Variants in SYNJ2 observed in about 807,000 individuals in gnomAD.
SYNJ2 encodes synaptojanin 2, also known as polyphosphatidylinositol phosphatase SYNJ2.
In SYNJ2, 116 loss-of-function variants were observed where a neutral mutation model predicts 141.3. That is an observed-to-expected ratio of 0.82 (90% CI 0.71 to 0.96). The LOEUF is 0.96. Ranked by LOEUF, SYNJ2 falls within the 40% of genes least tolerant of loss-of-function variation. SYNJ2 has a pLI of 0.00. For missense variants in SYNJ2, 1,873 were observed against 1,934.8 expected, an observed-to-expected ratio of 0.97 and a Z score of 0.60; for synonymous variants, 745 against 777.7, an observed-to-expected ratio of 0.96 and a Z score of 0.70.
Position 158,081,433 on chromosome 6 carries a change from A to G in SYNJ2, c.2788A>G (p.Ile930Val). 6.2e-7 allele frequency: 1 copy of G among 1,613,804 alleles called. No individual in the cohort carries two copies. Among genetic ancestry groups the G allele is most frequent in the Non-Finnish European group, 8.5e-7 (1 of 1,179,968 alleles). Residue 930 changes from isoleucine (I) to valine (V), a missense_variant and splice_region_variant, in exon 20 of 27, where the codon ATC becomes GTC. Ile to Val is a conservative substitution (Grantham distance 29). Transcript: ENST00000355585. ...GSYGTIVLVR[I>V]NQGQMLVTFA... is the part of the protein sequence containing the mutation. ...GACTTGGAGTATCATTTATTCCAGG[A>G]TCAACCAAGGGCAGATGCTGGTAAC...
intron 5 of SYNJ2, among the ~76,000 whole-genome samples, chr6:158,046,198 G>A (rs9365784): frequency 0.18 from 26,887 of 151,796 alleles, 3,014 homozygotes; most frequent in Non-Finnish European, 0.24. Context: ...TGCCCGCTTC[G>A]GCCTCCCAAA....
chr6:158,049,581 C>T (rs759162915), intron 5 of SYNJ2, among the ~76,000 whole-genome samples: 10 of 152,178 alleles, frequency 6.6e-5, no homozygotes, highest in East Asian at 1.9e-4. Context: ...CAGGGAGAGG[C>T]GGTTAGACAA....
chr6:158,088,084 G>C (rs1332967988), intron 23 of SYNJ2, among the ~76,000 whole-genome samples: 1 of 56,704 alleles, frequency 1.8e-5, no homozygotes, highest in Non-Finnish European at 3.1e-5. Flanking sequence ...TTTTTGAGAT[G>C]GGCTCATTCT....
rs1280411272 is a variant in SYNJ2 at position 158,066,630 on chromosome 6, C to A, written c.1712C>A (p.Ser571Tyr). The change falls in exon 12 of 27, where the codon TCC becomes TAC. Residue 571 changes from serine to tyrosine, a missense_variant. Physicochemically the swap from Ser to Tyr is moderately radical, Grantham distance 144. Coordinates refer to ENST00000355585, the MANE Select transcript of SYNJ2 (RefSeq NM_003898.4). ...DSPQLSGATD[S>Y]QDDSSPADIF... is the part of the protein sequence containing the mutation. ...CCCCAGCTCTCGGGAGCTACCGACT[C>A]CCAGGGTGAGGGCAGTGACTTTGGG... 6.2e-7 allele frequency: 1 copy of A among 1,613,224 alleles called. No individual in the cohort carries two copies. Among genetic ancestry groups the A allele is most frequent in the Non-Finnish European group, 8.5e-7 (1 of 1,179,976 alleles).
chr6:158,074,589 G>GT lies in SYNJ2; in HGVS notation c.2149dup (p.Ser717PhefsTer3), dbSNP rs1437082431. 1 of 1,611,664 alleles carries GT rather than the reference G, an allele frequency of 6.2e-7. No homozygotes were observed. On this transcript the variant is annotated frameshift_variant, in exon 16 of 27. Transcript: ENST00000355585. LOFTEE classifies it high-confidence loss of function. ...TTTCTTTTCAACTTAGGGGAGAAAT[G>GT]TTTTTTCTCATGATTATGTATTTTG...
intron 1 of SYNJ2, among the ~76,000 whole-genome samples, chr6:157,998,518 A>C (rs960843066): frequency 2.6e-5 from 4 of 152,236 alleles, no homozygotes; most frequent in African/African-American, 9.6e-5. Flanking sequence ...TTAAATTCTC[A>C]TACAGAAGGG....
At chr6:158,090,962 G>A (rs1461302020) in intron 25 of SYNJ2, among the ~76,000 whole-genome samples, 4 of 152,136 alleles carry the variant, frequency 2.6e-5, no homozygotes, top group African/African-American at 4.8e-5. Flanking sequence ...TTAAAAGGTC[G>A]AGAACTACTG....
At chr6:158,036,930 ATTTAAAATACTGGTTTT>A (rs1277809763) in intron 4 of SYNJ2, among the ~76,000 whole-genome samples, 1 of 152,108 alleles carries the variant, frequency 6.6e-6, no homozygotes, top group African/African-American at 2.4e-5. Flanking sequence ...TTGAACTTTT[ATTTAAAATACTGGTTTT>A]GGATTTCAAC....
intron 18 of SYNJ2, chr6:158,078,808 TGAGA>T (rs201240145): frequency 7.3e-6 from 1 of 137,370 alleles, no homozygotes; most frequent in African/African-American, 2.8e-5. Context: ...TTTTTTTTTT[TGAGA>T]GAGAGTCTTG....
chr6:158,087,293 T>C (rs1468041037), intron 23 of SYNJ2, among the ~76,000 whole-genome samples: 1 of 152,200 alleles, frequency 6.6e-6, no homozygotes, highest in Admixed American at 6.5e-5. Context: ...GCCGCAGCCA[T>C]GGGAGGGACG....
intron 17 of SYNJ2, among the ~76,000 whole-genome samples, chr6:158,077,363 T>TC (rs1020366921): frequency 4.6e-5 from 7 of 151,542 alleles, no homozygotes; most frequent in African/African-American, 1.5e-4. Context: ...GCATCACAGC[T>TC]CCCCCCCACA....
At chr6:158,011,460 G>T (rs940725560) in intron 1 of SYNJ2, among the ~76,000 whole-genome samples, 2 of 152,180 alleles carry the variant, frequency 1.3e-5, no homozygotes, top group Non-Finnish European at 2.9e-5. Context: ...TTGAGCTCCT[G>T]CATTGTATAA....
chr6:158,046,862 A>G (rs1435512028), intron 5 of SYNJ2, among the ~76,000 whole-genome samples: 4 of 152,046 alleles, frequency 2.6e-5, no homozygotes, highest in South Asian at 4.1e-4. Context: ...GTGGTTGACA[A>G]CGTTGCTCCC....
At chr6:158,090,086 T>G in intron 25 of SYNJ2, 139 bp downstream of exon 25, 1 of 632,990 alleles carries the variant, frequency 1.6e-6, no homozygotes, top group Non-Finnish European at 2.8e-6. Flanking sequence ...TTTAGCAACA[T>G]TTTATATAAA....
chr6:157,998,629 A>C (rs76035653), intron 1 of SYNJ2, among the ~76,000 whole-genome samples: 1 of 152,362 alleles, frequency 6.6e-6, no homozygotes, highest in Non-Finnish European at 1.5e-5. Flanking sequence ...GAGGTATTTA[A>C]GTGTAAAAAA....
chr6:158,039,608 T>C (rs1157609060), intron 4 of SYNJ2, among the ~76,000 whole-genome samples: 1 of 152,222 alleles, frequency 6.6e-6, no homozygotes, highest in Non-Finnish European at 1.5e-5. Context: ...GCTTTGCTTA[T>C]GGTACAGGAG....
chr6:158,017,400 CTCT>C (rs1226438775), intron 2 of SYNJ2, 110 bp downstream of exon 2: 17 of 1,034,854 alleles, frequency 1.6e-5, no homozygotes, highest in South Asian at 2.0e-5. Flanking sequence ...TCTTCTCTCT[CTCT>C]TCTTTTTTTT....
chr6:157,984,926 C>T (rs1777143708), intron 1 of SYNJ2, among the ~76,000 whole-genome samples: 2 of 152,102 alleles, frequency 1.3e-5, no homozygotes, highest in South Asian at 4.1e-4. Context: ...GTAACTGCTT[C>T]GTGGGTAGTG....
intron 11 of SYNJ2, among the ~76,000 whole-genome samples, chr6:158,066,240 G>A (rs1004807840): frequency 1.3e-5 from 2 of 152,064 alleles, no homozygotes; most frequent in African/African-American, 2.4e-5. Context: ...ATGTTTTCAC[G>A]CCTTTATTGT....
Sources: allele counts gnomAD v4.1 joint callset (sites outside exome capture counted in the v4.1 genomes callset), GRCh38; gene constraint gnomAD v4.1.1; transcripts MANE v1.5; gene names NCBI Gene and HGNC (gene_info 2026-07-23, HGNC 2026-07-21).